Variants in CCDC91 observed in about 807,000 individuals in gnomAD.
CCDC91 encodes coiled-coil domain-containing protein 91.
CCDC91 carries 48 observed loss-of-function variants against 63.2 expected under a neutral mutation model. The observed-to-expected ratio is 0.76, with a 90% CI of 0.60 to 0.97. The LOEUF is 0.97. Among genes scored for constraint, CCDC91 ranks in the 50% least tolerant of loss-of-function variants. The pLI is 0.00. For synonymous variants in CCDC91, 167 were observed against 165.8 expected, an observed-to-expected ratio of 1.01 and a Z score of -0.06; for missense variants, 500 against 494.6, an observed-to-expected ratio of 1.01 and a Z score of -0.10.
At chr12:28,208,772 C>T (rs190990624) in intron 1 of CCDC91, among the ~76,000 whole-genome samples, 2 of 152,142 alleles carry the variant, frequency 1.3e-5, no homozygotes, top group Admixed American at 1.3e-4. Flanking sequence ...GTAGTTTATT[C>T]AAAAGGCAAA....
chr12:28,363,852 G>A (rs1255246841), intron 7 of CCDC91, among the ~76,000 whole-genome samples: 33 of 139,748 alleles, frequency 2.4e-4, no homozygotes, highest in Middle Eastern at 4.0e-3. Context: ...ACTCTAGCCT[G>A]GGCAACAGAG....
chr12:28,482,621 A>G lies in CCDC91; in HGVS notation c.1102-1431A>G, dbSNP rs180851896. Among the ~76,000 whole-genome samples, 54 of 152,092 alleles carry G rather than the reference A, an allele frequency of 3.6e-4. No individual in the cohort carries two copies. The East Asian group carries it at 9.8e-3, about 28-fold the overall frequency. Reference sequence around the variant, plus strand: ...GGTAAAATGAGATGTCATTCTCCCCAAGTAAGCAAAGATTCTAAAAACCGA... The same window carrying G: ...GGTAAAATGAGATGTCATTCTCCCCGAGTAAGCAAAGATTCTAAAAACCGA... On this transcript the variant is annotated intron_variant, in intron 11 of 12. Transcript: ENST00000536442.
rs34996637 is a variant in CCDC91 at position 28,417,620 on chromosome 12, G to GATATATATAT, written c.762+26221_762+26230dup. Reference sequence around the variant, plus strand: ...TAAGCTGTACAACGTGAACCTTTGAGATATATATATATATATATATACACA... The same window carrying GATATATATAT: ...TAAGCTGTACAACGTGAACCTTTGAGATATATATATATATATATATATATATATATACACA... On this transcript the variant is annotated intron_variant, in intron 8 of 12. Transcript: ENST00000536442. Among the ~76,000 whole-genome samples, 400 of 139,704 alleles carry GATATATATAT rather than the reference G, an allele frequency of 2.9e-3. 3 individuals are homozygous for GATATATATAT. Among genetic ancestry groups the GATATATATAT allele is most frequent in the African/African-American group, 9.8e-3 (385 of 39,354 alleles). The allele number at this position is 139,704 out of a possible 152,430, so 91.7% of individuals were successfully genotyped here.
At chr12:28,318,543 A>G (rs899056942) in intron 6 of CCDC91, among the ~76,000 whole-genome samples, 8 of 151,900 alleles carry the variant, frequency 5.3e-5, no homozygotes, top group East Asian at 1.9e-4. Flanking sequence ...CCTGTCTCCA[A>G]AAAAATTTCT....
chr12:28,335,021 A>G (rs1304936631), intron 6 of CCDC91, among the ~76,000 whole-genome samples: 3 of 146,934 alleles, frequency 2.0e-5, no homozygotes, highest in East Asian at 2.0e-4. Flanking sequence ...ATTTAAATAT[A>G]TAAAAATATA....
chr12:28,340,664 TAC>T (rs1388706089), intron 6 of CCDC91, among the ~76,000 whole-genome samples: 1 of 152,190 alleles, frequency 6.6e-6, no homozygotes, highest in Non-Finnish European at 1.5e-5. Flanking sequence ...CCGCTACTTA[TAC>T]CTGTAAGGGA....
intron 6 of CCDC91, among the ~76,000 whole-genome samples, chr12:28,338,626 A>G (rs530622064): frequency 7.0e-4 from 106 of 152,200 alleles, no homozygotes; most frequent in African/African-American, 2.3e-3. Flanking sequence ...TGACGTAGAA[A>G]GCTATTTTAA....
At chr12:28,355,458 A>G (rs1255105195) in intron 6 of CCDC91, among the ~76,000 whole-genome samples, 1 of 152,200 alleles carries the variant, frequency 6.6e-6, no homozygotes, top group Non-Finnish European at 1.5e-5. Flanking sequence ...GACAATGGCA[A>G]CAATCATGGC....
intron 12 of CCDC91, among the ~76,000 whole-genome samples, chr12:28,528,612 C>T (rs1284770491): frequency 5.3e-5 from 8 of 152,146 alleles, no homozygotes; most frequent in Non-Finnish European, 1.0e-4. Context: ...ATGTTCTGTA[C>T]GTCCAAGTGG....
At chr12:28,322,437 A>G (rs941293824) in intron 6 of CCDC91, among the ~76,000 whole-genome samples, 4 of 151,806 alleles carry the variant, frequency 2.6e-5, no homozygotes, top group African/African-American at 9.7e-5. Flanking sequence ...TTTGCTTTTA[A>G]TTTCTTGAAA....
chr12:28,419,134 A>T (rs1234442065), intron 8 of CCDC91, among the ~76,000 whole-genome samples: 1 of 152,180 alleles, frequency 6.6e-6, no homozygotes, highest in Admixed American at 6.6e-5. Context: ...TAACAGTGAA[A>T]AAGTCTGTGC....
Position 28,390,938 on chromosome 12 carries a change from C to CT in CCDC91, c.655-351dup, listed in dbSNP as rs200273851. ...TTTTTTTCCTTTTTTCTTTTTCTTTCTTTTTTTTTTTTTTTCAGCAGCTTT... is the reference window on the plus strand; with the variant it reads ...TTTTTTTCCTTTTTTCTTTTTCTTTCTTTTTTTTTTTTTTTTCAGCAGCTTT... On this transcript the variant is annotated intron_variant, in intron 7 of 12. Transcript: ENST00000536442. 6.2e-3 allele frequency among the ~76,000 whole-genome samples: 846 copies of CT among 136,976 alleles called. 10 individuals carry two copies. The highest frequency in any genetic ancestry group is 0.016 in the African/African-American group (599 of 36,620). 89.9% of individuals were successfully genotyped at this position (136,976 alleles called of 152,430 possible). A position where few individuals can be genotyped will look rare whatever the true frequency, so the allele number is the denominator to read the frequency against.
intron 11 of CCDC91, among the ~76,000 whole-genome samples, chr12:28,466,344 A>G (rs1266468784): frequency 6.6e-6 from 1 of 152,202 alleles, no homozygotes; most frequent in African/African-American, 2.4e-5. Context: ...AGATATCAGT[A>G]TCCAAGCCCA....
intron 11 of CCDC91, among the ~76,000 whole-genome samples, chr12:28,453,679 A>G (rs1949924923): frequency 6.6e-6 from 1 of 151,988 alleles, no homozygotes; most frequent in Admixed American, 6.6e-5. Flanking sequence ...AAGCAATATT[A>G]CCTTCTAATT....
chr12:28,500,833 CT>C (rs1026554094), intron 12 of CCDC91, among the ~76,000 whole-genome samples: 6 of 151,662 alleles, frequency 4.0e-5, no homozygotes, highest in African/African-American at 1.5e-4. Flanking sequence ...TGCCCTCCCC[CT>C]ATTATCTCTG....
intron 8 of CCDC91, among the ~76,000 whole-genome samples, chr12:28,399,430 G>A (rs1372472278): frequency 2.0e-5 from 3 of 152,038 alleles, no homozygotes; most frequent in Non-Finnish European, 4.4e-5. Flanking sequence ...ATGAGATTTG[G>A]GTAGAGACAC....
At chr12:28,497,505 A>G (rs1266871611) in intron 12 of CCDC91, among the ~76,000 whole-genome samples, 2 of 151,560 alleles carry the variant, frequency 1.3e-5, no homozygotes, top group Admixed American at 6.6e-5. Context: ...TTATACTACT[A>G]AATTGCAAAG....
intron 6 of CCDC91, among the ~76,000 whole-genome samples, chr12:28,310,153 T>C (rs1330154502): frequency 5.9e-5 from 9 of 152,048 alleles, no homozygotes; most frequent in Admixed American, 5.9e-4. Context: ...ACTATGGTGC[T>C]GATTAAAAGG....
chr12:28,408,684 C>A (rs1300262675), intron 8 of CCDC91, among the ~76,000 whole-genome samples: 1 of 151,620 alleles, frequency 6.6e-6, no homozygotes, highest in African/African-American at 2.4e-5. Flanking sequence ...GCTCTGTATC[C>A]CAGGCTGGAG....
Sources: allele counts gnomAD v4.1 joint callset (sites outside exome capture counted in the v4.1 genomes callset), GRCh38; gene constraint gnomAD v4.1.1; transcripts MANE v1.5; gene names NCBI Gene and HGNC (gene_info 2026-07-23, HGNC 2026-07-21).